ABCG2: variants seen among roughly 807,000 people sequenced by gnomAD.
ABCG2 encodes the protein ATP binding cassette subfamily G member 2 (JR blood group).
In ABCG2, 80 loss-of-function variants were observed where a neutral mutation model predicts 73.5. That is an observed-to-expected ratio of 1.09 (90% CI 0.91 to 1.31). ABCG2 has a LOEUF of 1.31. ABCG2 is among the 50% of genes most tolerant of loss of function. The probability of loss-of-function intolerance (pLI) is 0.00; values close to 1 mark genes in which losing one functional copy is unlikely to be tolerated. For missense variants in ABCG2, 796 were observed against 786.2 expected (o/e 1.01, Z -0.15); for synonymous variants, 269 against 282.4 (o/e 0.95, Z 0.48).
intron 6 of ABCG2, among the ~76,000 whole-genome samples, chr4:88,120,466 T>C (rs1250337867): frequency 6.6e-6 from 1 of 152,156 alleles, no homozygotes; most frequent in East Asian, 1.9e-4. Context: ...GGCTGTGCCC[T>C]GCAAATCCAC....
At chr4:88,170,372 G>A (rs549323605) in intron 1 of ABCG2, among the ~76,000 whole-genome samples, 2 of 152,246 alleles carry the variant, frequency 1.3e-5, no homozygotes, top group Admixed American at 1.3e-4. Context: ...AGAAGCTTCA[G>A]GGGCCTAATC....
upstream of ABCG2, chr4:88,163,974 A>G (rs987603786): frequency 2.0e-5 from 3 of 153,116 alleles, no homozygotes; most frequent in African/African-American, 7.2e-5. Flanking sequence ...CTAACCACTG[A>G]GCATCAAATA....
In ABCG2 at chr4:88,092,361, A is replaced by T; in HGVS notation, c.1841T>A (p.Leu614Ter). The T allele has an allele frequency of 1.2e-6, 2 of 1,610,604 alleles. No homozygotes were observed. The highest frequency in any genetic ancestry group is 8.5e-7 in the Non-Finnish European group (1 of 1,179,292). The part of the protein sequence containing the change: ...NYATCTGEEY[L>*]VKQGIDLSPW... ...TGAGAGATCGATGCCCTGCTTTACC[A>T]AATATTCTTCGCCAGTACATCTGAA... The change falls in exon 16 of 16, where the codon TTG (leucine) becomes TAG (stop). Residue 614 changes from leucine (L) to a stop codon, truncating the protein, a stop_gained. Transcript: ENST00000237612. LOFTEE classifies it high-confidence loss of function.
chr4:88,209,736 A>C (rs1029398512), intron 1 of ABCG2, among the ~76,000 whole-genome samples: 10 of 152,332 alleles, frequency 6.6e-5, no homozygotes, highest in Non-Finnish European at 1.5e-4. Flanking sequence ...AAAAATTTTA[A>C]GTGAAAGAAA....
intron 12 of ABCG2, 130 bp from the exon 13 acceptor site, chr4:88,097,737 C>T (rs188920814): frequency 2.0e-5 from 19 of 944,794 alleles, no homozygotes; most frequent in African/African-American, 8.3e-5. Flanking sequence ...GTCATCCACT[C>T]TCCAACCACC....
At chr4:88,179,950 T>TA (rs1728166098) in intron 1 of ABCG2, among the ~76,000 whole-genome samples, 1 of 152,062 alleles carries the variant, frequency 6.6e-6, no homozygotes, top group East Asian at 1.9e-4. Flanking sequence ...GAACATAGCC[T>TA]GAAAGGGACA....
chr4:88,194,580 A>G (rs1421275614), intron 1 of ABCG2, among the ~76,000 whole-genome samples: 2 of 117,220 alleles, frequency 1.7e-5, no homozygotes, highest in East Asian at 5.8e-4. Flanking sequence ...AAAAAAAAAA[A>G]AAAAGTGTGG....
intron 1 of ABCG2, among the ~76,000 whole-genome samples, chr4:88,177,767 G>A (rs368237056): frequency 5.9e-5 from 9 of 152,160 alleles, no homozygotes; most frequent in East Asian, 3.9e-4. Flanking sequence ...GTGTGTTGGG[G>A]GAGGGAGAGC....
At chr4:88,181,066 G>A (rs536145727) in intron 1 of ABCG2, among the ~76,000 whole-genome samples, 2 of 152,108 alleles carry the variant, frequency 1.3e-5, no homozygotes, top group African/African-American at 2.4e-5. Flanking sequence ...CTCTTTGCTT[G>A]TTAGTTTGTT....
intron 5 of ABCG2, among the ~76,000 whole-genome samples, chr4:88,128,781 G>T (rs1033872391): frequency 2.0e-5 from 3 of 152,126 alleles, no homozygotes; most frequent in African/African-American, 4.8e-5. Context: ...GGGTGTCAGG[G>T]GCTAGGGATG....
At chr4:88,117,622 G>A (rs953434877) in intron 7 of ABCG2, among the ~76,000 whole-genome samples, 1 of 152,164 alleles carries the variant, frequency 6.6e-6, no homozygotes, top group African/African-American at 2.4e-5. Context: ...GGGCAATAGA[G>A]CAAGACTCCA....
intron 1 of ABCG2, among the ~76,000 whole-genome samples, chr4:88,188,676 G>A (rs1728563278): frequency 6.6e-6 from 1 of 152,098 alleles, no homozygotes; most frequent in African/African-American, 2.4e-5. Context: ...ATAGGATTGC[G>A]TTGAATCTGT....
intron 11 of ABCG2, among the ~76,000 whole-genome samples, chr4:88,099,683 C>T (rs1438026671): frequency 2.0e-5 from 3 of 152,190 alleles, no homozygotes; most frequent in Non-Finnish European, 4.4e-5. Flanking sequence ...ACTGTTCCCT[C>T]CTATTGCTGC....
intron 1 of ABCG2, among the ~76,000 whole-genome samples, chr4:88,211,833 T>A (rs149736927): frequency 3.9e-5 from 6 of 152,260 alleles, no homozygotes; most frequent in African/African-American, 1.2e-4. Flanking sequence ...AAGCAATAAA[T>A]AGAACTAGAG....
chr4:88,160,612 G>A (rs1334916252), upstream of ABCG2, among the ~76,000 whole-genome samples: 1 of 152,102 alleles, frequency 6.6e-6, no homozygotes, highest in East Asian at 1.9e-4. Context: ...TACTTTGGGA[G>A]GCCGAGGCAG....
intron 2 of ABCG2, among the ~76,000 whole-genome samples, chr4:88,137,846 T>C (rs895190214): frequency 6.6e-6 from 1 of 152,180 alleles, no homozygotes; most frequent in African/African-American, 2.4e-5. Context: ...AAGGGTTATG[T>C]TCCTGAAACG....
chr4:88,173,394 T>C (rs1192276593), intron 1 of ABCG2, among the ~76,000 whole-genome samples: 2 of 152,194 alleles, frequency 1.3e-5, no homozygotes, highest in African/African-American at 4.8e-5. Flanking sequence ...ATTAACCACA[T>C]CCTTTTGCCT....
intron 1 of ABCG2, among the ~76,000 whole-genome samples, chr4:88,199,615 AAAG>A (rs1407649828): frequency 6.6e-6 from 1 of 152,258 alleles, no homozygotes; most frequent in East Asian, 1.9e-4. Context: ...CTTCAGATTT[AAAG>A]AAGAAATAGA....
intron 1 of ABCG2, among the ~76,000 whole-genome samples, chr4:88,150,573 A>C (rs1726396251): frequency 6.6e-6 from 1 of 152,220 alleles, no homozygotes. Flanking sequence ...AGGAGTGTCC[A>C]ATCTTTTGGC....
Sources: allele counts gnomAD v4.1 joint callset (sites outside exome capture counted in the v4.1 genomes callset), GRCh38; gene constraint gnomAD v4.1.1; transcripts MANE v1.5; gene names NCBI Gene and HGNC (gene_info 2026-07-23, HGNC 2026-07-21).